TMIGD1: variants seen among roughly 807,000 people sequenced by gnomAD.
TMIGD1 encodes transmembrane and immunoglobulin domain-containing protein 1.
TMIGD1 carries 29 observed loss-of-function variants against 27.5 expected under a neutral mutation model. The ratio of observed to expected loss-of-function variants is 1.05; its 90% CI spans 0.78 to 1.44. The LOEUF (loss-of-function observed/expected upper bound fraction) is 1.44, where lower values mean the gene tolerates loss of function less well. Among genes scored for constraint, TMIGD1 ranks in the 40% most tolerant of loss-of-function variants. The probability of loss-of-function intolerance (pLI) is 0.00; values close to 1 mark genes in which losing one functional copy is unlikely to be tolerated. For missense variants in TMIGD1, 334 were observed against 310.6 expected (o/e 1.08, Z -0.57); for synonymous variants, 109 against 110.3 (o/e 0.99, Z 0.07).
At chr17:30,320,613 A>C (rs1470494120) in intron 4 of TMIGD1, among the ~76,000 whole-genome samples, 1 of 152,192 alleles carries the variant, frequency 6.6e-6, no homozygotes, top group Non-Finnish European at 1.5e-5. Context: ...AAGTTATAAA[A>C]ATTCTTTCAA....
intron 2 of TMIGD1, among the ~76,000 whole-genome samples, chr17:30,330,275 T>C (rs1185437282): frequency 6.7e-6 from 1 of 150,290 alleles, no homozygotes; most frequent in Non-Finnish European, 1.5e-5. Flanking sequence ...TACATGGAAG[T>C]ATTTTTTCAT....
chr17:30,322,653 T>C (rs1040616785), intron 4 of TMIGD1, among the ~76,000 whole-genome samples: 1 of 152,098 alleles, frequency 6.6e-6, no homozygotes, highest in Non-Finnish European at 1.5e-5. Context: ...GTGGCTACCA[T>C]CATGCCCGGC....
At chr17:30,329,806 T>G (rs1909914280) in intron 2 of TMIGD1, among the ~76,000 whole-genome samples, 1 of 152,110 alleles carries the variant, frequency 6.6e-6, no homozygotes, top group Admixed American at 6.6e-5. Context: ...AGCTGGGTGC[T>G]GTGCCTATAA....
chr17:30,324,987 T>G lies in TMIGD1; in HGVS notation c.469A>C (p.Lys157Gln). Residue 157 changes from lysine (K) to glutamine (Q), a missense_variant, in exon 4 of 7, where the codon AAA becomes CAA. Physicochemically the swap from Lys to Gln is moderately conservative, Grantham distance 53. Transcript: ENST00000328886. The stretch of plus-strand genomic sequence containing the variant: ...TCTAAATCGAGGAGACTACTGTTTT[T>G]GTACCACATCATTTGAGCCTGGGGG... Reference protein sequence around the residue: ...ANPQAQMMWYKNSSLLDLEKS... With the variant: ...ANPQAQMMWYQNSSLLDLEKS... 6.2e-7 allele frequency: 1 copy of G among 1,614,134 alleles called. No homozygotes were observed. The highest frequency in any genetic ancestry group is 8.5e-7 in the Non-Finnish European group (1 of 1,179,984).
intron 4 of TMIGD1, among the ~76,000 whole-genome samples, chr17:30,322,765 G>T (rs903867165): frequency 6.6e-6 from 1 of 152,204 alleles, no homozygotes; most frequent in Non-Finnish European, 1.5e-5. Context: ...CTCCCAAAAT[G>T]CTGGGATTAC....
chr17:30,322,224 C>T (rs575758930), intron 4 of TMIGD1, among the ~76,000 whole-genome samples: 2 of 152,252 alleles, frequency 1.3e-5, no homozygotes, highest in South Asian at 2.1e-4. Flanking sequence ...AAATTATTCT[C>T]ATGAAGGTAT....
At chr17:30,321,496 G>A (rs1320325013) in intron 4 of TMIGD1, among the ~76,000 whole-genome samples, 2 of 152,202 alleles carry the variant, frequency 1.3e-5, no homozygotes, top group Non-Finnish European at 2.9e-5. Flanking sequence ...ATGGATTGAG[G>A]TGCAGTCAAC....
intron 3 of TMIGD1, among the ~76,000 whole-genome samples, chr17:30,326,970 T>A (rs1909801102): frequency 6.6e-6 from 1 of 152,148 alleles, no homozygotes; most frequent in African/African-American, 2.4e-5. Context: ...TGTCACATTT[T>A]ATGAGCTCAT....
At chr17:30,320,024 C>T (rs1909564623) in intron 4 of TMIGD1, among the ~76,000 whole-genome samples, 2 of 151,866 alleles carry the variant, frequency 1.3e-5, no homozygotes, top group South Asian at 4.2e-4. Context: ...TTCTAAACAC[C>T]AGGTCAACTG....
intron 4 of TMIGD1, among the ~76,000 whole-genome samples, chr17:30,324,247 G>A (rs1225392703): frequency 6.6e-6 from 1 of 152,186 alleles, no homozygotes; most frequent in African/African-American, 2.4e-5. Context: ...GAAATATGAG[G>A]AGGGAAAACC....
In TMIGD1 at chr17:30,329,530, C is replaced by T; in HGVS notation, c.83-1G>A. 1 of 1,606,400 alleles carries T rather than the reference C, an allele frequency of 6.2e-7. No individual in the cohort carries two copies. The highest frequency in any genetic ancestry group is 8.5e-7 in the Non-Finnish European group (1 of 1,174,092). ...TTACCATTCACAGTTAAAACAGAAC[C>T]TGGGAGTATAGGGAGAAACTATTTA... On this transcript the variant is annotated splice_acceptor_variant, in intron 2 of 6. Transcript: ENST00000328886. LOFTEE classifies it high-confidence loss of function.
intron 4 of TMIGD1, among the ~76,000 whole-genome samples, chr17:30,319,758 G>A (rs1261599994): frequency 6.6e-6 from 1 of 151,912 alleles, no homozygotes; most frequent in Non-Finnish European, 1.5e-5. Flanking sequence ...AGGTCTGTGG[G>A]CCTCAAAAGC....
At position 30,316,404 on chromosome 17, in the gene TMIGD1, A is replaced by G. The variant is rs760455884; in HGVS notation, c.*283T>C. Reference sequence around the variant, plus strand: ...CTCCTACCTAGAAAAAAAACACACTAAACAGTAAATGATTACCAACCTATT... The same window carrying G: ...CTCCTACCTAGAAAAAAAACACACTGAACAGTAAATGATTACCAACCTATT... On this transcript the variant is annotated 3_prime_UTR_variant, in exon 7 of 7. Coordinates refer to ENST00000328886, the MANE Select transcript of TMIGD1 (RefSeq NM_206832.3). The G allele has an allele frequency of 1.2e-5, 4 of 334,236 alleles. No individual in the cohort carries two copies. Among genetic ancestry groups the G allele is most frequent in the Non-Finnish European group, 2.1e-5 (4 of 186,950 alleles). 20.7% of individuals were successfully genotyped at this position (334,236 alleles called of 1,614,324 possible).
At chr17:30,319,328 G>A (rs1431250852) in intron 4 of TMIGD1, among the ~76,000 whole-genome samples, 1 of 140,638 alleles carries the variant, frequency 7.1e-6, no homozygotes, top group Admixed American at 7.2e-5. Flanking sequence ...GGGAGACTGA[G>A]GCAGGAGAAT....
intron 4 of TMIGD1, among the ~76,000 whole-genome samples, chr17:30,320,342 T>C (rs560798204): frequency 6.6e-6 from 1 of 152,262 alleles, no homozygotes; most frequent in African/African-American, 2.4e-5. Context: ...GGCCAAGAGC[T>C]ACTTTATTTA....
intron 4 of TMIGD1, among the ~76,000 whole-genome samples, chr17:30,320,719 C>T (rs1450494743): frequency 6.6e-6 from 1 of 152,154 alleles, no homozygotes; most frequent in African/African-American, 2.4e-5. Flanking sequence ...GAAAGCCAGG[C>T]AGCGTGGCAT....
At chr17:30,323,065 G>A (rs976127392) in intron 4 of TMIGD1, among the ~76,000 whole-genome samples, 1 of 152,146 alleles carries the variant, frequency 6.6e-6, no homozygotes, top group African/African-American at 2.4e-5. Context: ...AGCTATTCAG[G>A]AGGCTGAAGT....
intron 4 of TMIGD1, among the ~76,000 whole-genome samples, chr17:30,322,552 C>T (rs562877745): frequency 3.3e-5 from 5 of 152,166 alleles, no homozygotes; most frequent in South Asian, 2.1e-4. Flanking sequence ...CAGGCTGGAG[C>T]GCAGTGGTGC....
intron 2 of TMIGD1, among the ~76,000 whole-genome samples, chr17:30,329,987 A>T (rs1909922983): frequency 6.6e-6 from 1 of 152,070 alleles, no homozygotes; most frequent in Non-Finnish European, 1.5e-5. Flanking sequence ...TGGGAGGATA[A>T]GGTGGGAGAC....
Sources: allele counts gnomAD v4.1 joint callset (sites outside exome capture counted in the v4.1 genomes callset), GRCh38; gene constraint gnomAD v4.1.1; transcripts MANE v1.5; gene names NCBI Gene and HGNC (gene_info 2026-07-23, HGNC 2026-07-21).